CAPN10: variants seen among roughly 807,000 people sequenced by gnomAD.
CAPN10 encodes calpain 10.
Under a neutral mutation model 78.4 loss-of-function variants are expected in CAPN10, and 71 were observed. The observed-to-expected ratio is 0.91, with a 90% CI of 0.75 to 1.10. CAPN10 has a LOEUF of 1.10. Ranked by LOEUF, CAPN10 falls within the 50% of genes least tolerant of loss-of-function variation. The probability of loss-of-function intolerance (pLI) is 0.00; values close to 1 mark genes in which losing one functional copy is unlikely to be tolerated. For synonymous variants in CAPN10, 437 were observed against 407.2 expected (o/e 1.07, Z -0.88); for missense variants, 849 against 924.6 (o/e 0.92, Z 1.06).
chr2:240,591,864 C>A, intron 3 of CAPN10, 69 bp from the exon 4 acceptor site: 1 of 1,409,644 alleles, frequency 7.1e-7, no homozygotes. Flanking sequence ...GTGCTACAGA[C>A]CATGGGAATC....
chr2:240,596,565 G>T, intron 8 of CAPN10, 44 bp downstream of exon 8: 1 of 1,556,394 alleles, frequency 6.4e-7, no homozygotes, highest in Non-Finnish European at 8.7e-7. Flanking sequence ...GAGGCCACAG[G>T]CCCTTCCAAG....
rs2093123502 is a variant in CAPN10 at position 240,594,526 on chromosome 2, G to A, written c.831-17G>A. The A allele has an allele frequency of 1.2e-6, 2 of 1,607,950 alleles. No individual in the cohort carries two copies. Among genetic ancestry groups the A allele is most frequent in the Non-Finnish European group, 1.7e-6 (2 of 1,175,976 alleles). ...AGTTCTCGGGAGGGGCTTCTGCTGA[G>A]ATGAGGTTTCTTCCAGGGGTGAAGG... On this transcript the variant is annotated splice_polypyrimidine_tract_variant and intron_variant, in intron 5 of 11. Coordinates refer to ENST00000391984, the MANE Select transcript of CAPN10 (RefSeq NM_023083.4).
chr2:240,588,083 G>A (rs2093079380), intron 1 of CAPN10, among the ~76,000 whole-genome samples: 2 of 152,162 alleles, frequency 1.3e-5, no homozygotes, highest in African/African-American at 2.4e-5. Context: ...TGAAATAGAG[G>A]GTGAGGATAG....
In CAPN10 at chr2:240,586,960, G is replaced by A; in HGVS notation, c.49G>A (p.Ala17Thr). 6.8e-7 allele frequency: 1 copy of A among 1,479,502 alleles called. No homozygotes were observed. Among genetic ancestry groups the A allele is most frequent in the Non-Finnish European group, 9.0e-7 (1 of 1,115,364 alleles). 91.6% of individuals were successfully genotyped at this position (1,479,502 alleles called of 1,614,324 possible). The stretch of plus-strand genomic sequence containing the variant: ...GCCGGCGAGGGAGCTGTTCCGGGAC[G>A]CCGCCTTCCCCGCCGCGGACTCCTC... ...ATPARELFRD[A>T]AFPAADSSLF... Residue 17 changes from alanine to threonine, a missense_variant, in exon 1 of 12, where the codon GCC becomes ACC. Physicochemically the swap from Ala to Thr is moderately conservative, Grantham distance 58 (BLOSUM62 0). Coordinates refer to ENST00000391984, the MANE Select transcript of CAPN10 (RefSeq NM_023083.4).
chr2:240,592,346 C>A, intron 4 of CAPN10, 196 bp downstream of exon 4: 1 of 670,840 alleles, frequency 1.5e-6, no homozygotes, highest in South Asian at 1.7e-5. Context: ...GGGACGTGGC[C>A]CTTCTCTCCC....
chr2:240,593,798 G>T, intron 4 of CAPN10, 108 bp from the exon 5 acceptor site: 2 of 1,329,634 alleles, frequency 1.5e-6, no homozygotes, highest in Non-Finnish European at 2.0e-6. Context: ...AGCCATAGTG[G>T]GGTGGGCTGG....
intron 2 of CAPN10, chr2:240,590,550 G>A (rs72999976): frequency 0.025 from 10,869 of 430,686 alleles, 197 homozygotes; most frequent in Admixed American, 0.036. Context: ...TGCAGGCGCC[G>A]ACATCCAGGT....
intron 2 of CAPN10, chr2:240,589,720 C>T (rs2093089591): frequency 6.0e-6 from 3 of 502,690 alleles, no homozygotes; most frequent in African/African-American, 3.9e-5. Context: ...GCTCTGTGCT[C>T]TCCTGACCCC....
intron 7 of CAPN10, 50 bp from the exon 8 acceptor site, chr2:240,596,269 G>A (rs372030642): frequency 9.3e-5 from 144 of 1,550,256 alleles, no homozygotes; most frequent in African/African-American, 7.5e-4. Flanking sequence ...AGGCCAGGGC[G>A]TCTGACCCCG....
intron 1 of CAPN10, among the ~76,000 whole-genome samples, chr2:240,588,992 TAG>T (rs1245645921): frequency 3.4e-3 from 1 of 298 alleles, no homozygotes; most frequent in African/African-American, 0.015. Flanking sequence ...TGGAGCCTGC[TAG>T]AGAAACAGAT....
chr2:240,595,190 C>G lies in CAPN10; in HGVS notation c.1164C>G (p.His388Gln), dbSNP rs200622375. The G allele has an allele frequency of 6.2e-7, 1 of 1,613,812 alleles. No homozygotes were observed. The highest frequency in any genetic ancestry group is 8.5e-7 in the Non-Finnish European group (1 of 1,180,024). Residue 388 changes from histidine to glutamine, a missense_variant, in exon 7 of 12, where the codon CAC (histidine) becomes CAG (glutamine). Physicochemically the swap from His to Gln is conservative, Grantham distance 24. Coordinates refer to ENST00000391984, the MANE Select transcript of CAPN10 (RefSeq NM_023083.4). ...YIAVLQRSRL[H>Q]AADWAGRARA... Reference sequence around the variant, plus strand: ...CCGTCCTGCAGAGATCCAGGCTGCACGCGGCGGACTGGGCAGGCCGGGCCC... The same window carrying G: ...CCGTCCTGCAGAGATCCAGGCTGCAGGCGGCGGACTGGGCAGGCCGGGCCC...
rs756668839 is a variant in CAPN10, at chr2:240,596,483, C to A, written c.1443C>A (p.Phe481Leu). The stretch of plus-strand genomic sequence containing the variant: ...TCCTGAAGGACGCGCCAGGGGAGTT[C>A]CTGCTCCGAGTCTTCTCTACCGGGC... Reference protein sequence around the residue: ...STFLKDAPGEFLLRVFSTGRV... With the variant: ...STFLKDAPGELLLRVFSTGRV... Residue 481 changes from phenylalanine to leucine, a missense_variant, in exon 8 of 12, where the codon TTC becomes TTA. Coordinates refer to ENST00000391984, the MANE Select transcript of CAPN10 (RefSeq NM_023083.4). 1.2e-6 allele frequency: 2 copies of A among 1,612,186 alleles called. No individual in the cohort carries two copies. Among genetic ancestry groups the A allele is most frequent in the South Asian group, 1.1e-5 (1 of 91,034 alleles).
At chr2:240,589,584 T>C in intron 2 of CAPN10, 110 bp downstream of exon 2, 1 of 1,352,766 alleles carries the variant, frequency 7.4e-7, no homozygotes, top group South Asian at 1.4e-5. Context: ...CGCAGCCGGA[T>C]CTCCTGCTGT....
rs755230677 is a variant in CAPN10, at chr2:240,594,486, C to T, written c.831-57C>T. On this transcript the variant is annotated intron_variant, in intron 5 of 11. Coordinates refer to ENST00000391984, the MANE Select transcript of CAPN10 (RefSeq NM_023083.4). ...TCCAGGCTTCCCCCCAGCCTGCCGGCAAGTTGACACTACCAGTTCTCGGGA... is the reference window on the plus strand; with the variant it reads ...TCCAGGCTTCCCCCCAGCCTGCCGGTAAGTTGACACTACCAGTTCTCGGGA... 25 of 1,552,424 alleles carry T rather than the reference C, an allele frequency of 1.6e-5. No individual in the cohort carries two copies. The Middle Eastern group carries it at 5.1e-4, about 32-fold the overall frequency.
intron 2 of CAPN10, chr2:240,590,423 G>T: frequency 6.1e-6 from 1 of 163,082 alleles, no homozygotes; most frequent in East Asian, 1.8e-4. Flanking sequence ...TTGGCTTCAG[G>T]TCAGATGCTT....
chr2:240,597,762 C>A (rs909161041), intron 9 of CAPN10, 126 bp from the exon 10 acceptor site: 23 of 848,934 alleles, frequency 2.7e-5, no homozygotes, highest in Non-Finnish European at 4.2e-5. Context: ...CCAGGCCTGG[C>A]AGCCCCTCCT....
intron 10 of CAPN10, 90 bp downstream of exon 10, chr2:240,598,177 C>G: frequency 7.2e-7 from 1 of 1,382,296 alleles, no homozygotes; most frequent in South Asian, 1.3e-5. Flanking sequence ...CCTGCCTGCC[C>G]CTCACCCTCA....
chr2:240,595,137 G>A lies in CAPN10; in HGVS notation c.1111G>A (p.Val371Ile), dbSNP rs1359920850. The A allele has an allele frequency of 1.4e-5, 22 of 1,613,870 alleles. No homozygotes were observed. The highest frequency in any genetic ancestry group is 1.7e-5 in the Admixed American group (1 of 60,008). The change falls in exon 7 of 12, where the codon GTC (valine) becomes ATC (isoleucine). Residue 371 changes from valine to isoleucine, a missense_variant. Coordinates refer to ENST00000391984, the MANE Select transcript of CAPN10 (RefSeq NM_023083.4). The part of the protein sequence containing the change: ...FPSNPKFWLR[V>I]SEPSEVYIAV... ...CAGCAACCCCAAATTCTGGCTGCGG[G>A]TCTCAGAACCGAGTGAGGTGTACAT...
intron 5 of CAPN10, 29 bp from the exon 6 acceptor site, chr2:240,594,514 G>A: frequency 6.3e-7 from 1 of 1,598,546 alleles, no homozygotes; most frequent in South Asian, 1.1e-5. Context: ...TCTCGGGAGG[G>A]GCTTCTGCTG....
Sources: gnomAD v4.1 joint callset for allele counts (sites outside exome capture counted in the v4.1 genomes callset) on GRCh38, gnomAD v4.1.1 for gene constraint, MANE v1.5 for transcripts, NCBI Gene and HGNC (gene_info 2026-07-23, HGNC 2026-07-21) for gene names.